The following CHLSN variants were observed in gnomAD, a reference collection of about 807,000 sequenced individuals.
The protein encoded by CHLSN is protein cholesin.
chr7:1,057,729 G>A, the CHLSN span: 1 of 775,280 alleles, frequency 1.3e-6, no homozygotes, highest in South Asian at 1.3e-5. Flanking sequence ...CATGGCAGTG[G>A]CAGGCCTGGT....
the CHLSN span, among the ~76,000 whole-genome samples, chr7:1,115,768 A>T: frequency 0.013 from 758 of 59,518 alleles, 10 homozygotes; most frequent in African/African-American, 0.031. Flanking sequence ...TCACTACAGC[A>T]CTACGGACCG....
the CHLSN span, among the ~76,000 whole-genome samples, chr7:1,099,816 C>G: frequency 5.3e-5 from 8 of 152,240 alleles, no homozygotes; most frequent in Non-Finnish European, 1.2e-4. Flanking sequence ...GCAGACACGT[C>G]TCACTAGGCG....
chr7:1,049,426 C>T, the CHLSN span, among the ~76,000 whole-genome samples: 2,997 of 152,304 alleles, frequency 0.02, 99 homozygotes, highest in African/African-American at 0.068. Context: ...CCTGGGGAAA[C>T]CGAGGCACAC....
At chr7:985,105 C>A in the CHLSN span, 3 of 1,611,168 alleles carry the variant, frequency 1.9e-6, no homozygotes, top group Non-Finnish European at 2.5e-6. Flanking sequence ...CAGAGGTGAG[C>A]AGGGGGCCGG....
the CHLSN span, among the ~76,000 whole-genome samples, chr7:1,094,322 A>G: frequency 8.2e-4 from 125 of 152,330 alleles, 2 homozygotes; most frequent in South Asian, 0.024. Flanking sequence ...CTCCGTCTTC[A>G]CAGAAACCTG....
chr7:1,107,515 A>G, the CHLSN span, among the ~76,000 whole-genome samples: 1 of 152,210 alleles, frequency 6.6e-6, no homozygotes, highest in African/African-American at 2.4e-5. Flanking sequence ...TCCCAATCAC[A>G]GAATTCGCCG....
the CHLSN span, among the ~76,000 whole-genome samples, chr7:1,061,427 C>G: frequency 6.6e-6 from 1 of 152,108 alleles, no homozygotes; most frequent in East Asian, 1.9e-4. Context: ...GAGTCCCCTC[C>G]TCATCCCCAG....
At chr7:1,009,807 G>A in the CHLSN span, 315 of 715,548 alleles carry the variant, frequency 4.4e-4, no homozygotes, top group African/African-American at 5.2e-3. Flanking sequence ...GGGCAGCGGC[G>A]GCAGCACAGG....
At chr7:1,012,007 G>C in the CHLSN span, among the ~76,000 whole-genome samples, 1 of 152,248 alleles carries the variant, frequency 6.6e-6, no homozygotes, top group African/African-American at 2.4e-5. Context: ...CCTGGTGACT[G>C]ACCGGCTCCA....
At chr7:988,912 T>G in the CHLSN span, 2 of 827,876 alleles carry the variant, frequency 2.4e-6, no homozygotes, top group Non-Finnish European at 3.6e-6. Context: ...CAGCTCGGAC[T>G]GCTCTGGGAG....
the CHLSN span, among the ~76,000 whole-genome samples, chr7:1,120,214 A>G: frequency 6.6e-6 from 1 of 152,232 alleles, no homozygotes. Flanking sequence ...AGCACTTACC[A>G]GAGCCGCCAA....
chr7:1,126,040 T>C, the CHLSN span, among the ~76,000 whole-genome samples: 421 of 152,228 alleles, frequency 2.8e-3, 10 homozygotes, highest in South Asian at 3.9e-3. Flanking sequence ...ATAAACATGA[T>C]ACAGTACATA....
chr7:1,120,925 A>G, the CHLSN span, among the ~76,000 whole-genome samples: 3 of 152,138 alleles, frequency 2.0e-5, no homozygotes, highest in Non-Finnish European at 4.4e-5. Flanking sequence ...TAGCCATGAA[A>G]ACGGATCAAA....
chr7:1,087,268 G>A, the CHLSN span: 2 of 152,238 alleles, frequency 1.3e-5, no homozygotes, highest in African/African-American at 4.8e-5. Context: ...CTTCTGCAGC[G>A]AGCGCGGGAG....
chr7:997,459 A>C, the CHLSN span: 2 of 583,410 alleles, frequency 3.4e-6, no homozygotes, highest in Non-Finnish European at 5.7e-6. Flanking sequence ...GGCCCTTGCG[A>C]GGCTCTGGTG....
the CHLSN span, among the ~76,000 whole-genome samples, chr7:1,038,892 G>A: frequency 1.5e-5 from 1 of 66,500 alleles, no homozygotes. Flanking sequence ...CGGGGGGTCA[G>A]CCCTCCGCCC....
At chr7:1,027,979 C>G in the CHLSN span, among the ~76,000 whole-genome samples, 1 of 152,008 alleles carries the variant, frequency 6.6e-6, no homozygotes, top group Non-Finnish European at 1.5e-5. Flanking sequence ...GGACCCCCAC[C>G]CTGCCACCCG....
At chr7:1,002,521 A>G in the CHLSN span, among the ~76,000 whole-genome samples, 1 of 44,480 alleles carries the variant, frequency 2.2e-5, no homozygotes, top group East Asian at 6.8e-4. Flanking sequence ...GTGGGTGGGG[A>G]GTCCTGTGGG....
the CHLSN span, among the ~76,000 whole-genome samples, chr7:1,001,536 G>C: frequency 2.9e-5 from 4 of 137,464 alleles, no homozygotes; most frequent in Non-Finnish European, 4.7e-5. Context: ...CCTGTGGGTG[G>C]GGAGTCCTGT....
Sources: allele counts gnomAD v4.1 joint callset (sites outside exome capture counted in the v4.1 genomes callset), GRCh38; gene constraint gnomAD v4.1.1; transcripts MANE v1.5; gene names NCBI Gene and HGNC (gene_info 2026-07-23, HGNC 2026-07-21).